The following RAP1GAP variants were observed in gnomAD, a reference collection of about 807,000 sequenced individuals.
The protein encoded by RAP1GAP is RAP1 GTPase activating protein.
A neutral mutation model predicts 87.2 loss-of-function variants in RAP1GAP; 35 were observed. That is an observed-to-expected ratio of 0.40 (90% CI 0.31 to 0.53). The LOEUF is 0.53. Among genes scored for constraint, RAP1GAP ranks in the 20% least tolerant of loss-of-function variants. The probability of loss-of-function intolerance (pLI) is 0.48; values close to 1 mark genes in which losing one functional copy is unlikely to be tolerated. For synonymous variants in RAP1GAP, 375 were observed against 363.9 expected (o/e 1.03, Z -0.35); for missense variants, 734 against 898.9 (o/e 0.82, Z 2.35).
Position 21,653,580 on chromosome 1 carries a change from C to CTTCCTTCCTTCT in RAP1GAP, c.-148-3785_-148-3784insAGAAGGAAGGAA, listed in dbSNP as rs1553496402. Among the ~76,000 whole-genome samples, 565 of 122,054 alleles carry CTTCCTTCCTTCT rather than the reference C, an allele frequency of 4.6e-3. 8 individuals are homozygous for CTTCCTTCCTTCT. The highest frequency in any genetic ancestry group is 8.5e-3 in the Middle Eastern group (2 of 236). 80.1% of individuals were successfully genotyped at this position (122,054 alleles called of 152,430 possible). A position where few individuals can be genotyped will look rare whatever the true frequency, so the allele number is the denominator to read the frequency against. On this transcript the variant is annotated intron_variant, in intron 1 of 24. Transcript: ENST00000374765. Reference sequence around the variant, plus strand: ...CCTTCCTTCCTTCCTTCCTTCCTTCCTTCCTTCCTTCCTCCCTCCCTCCCT... The same window carrying CTTCCTTCCTTCT: ...CCTTCCTTCCTTCCTTCCTTCCTTCCTTCCTTCCTTCTTTCCTTCCTTCCTCCCTCCCTCCCT...
intron 4 of RAP1GAP, among the ~76,000 whole-genome samples, 195 bp downstream of exon 4, chr1:21,619,820 C>T (rs1437882542): frequency 6.6e-6 from 1 of 152,076 alleles, no homozygotes. Flanking sequence ...AGATGGACTC[C>T]GGCATCAGAG....
In RAP1GAP at chr1:21,620,044, C is replaced by A. The variant is rs373710461; in HGVS notation, c.-12G>T. 5 of 1,613,822 alleles carry A rather than the reference C, an allele frequency of 3.1e-6. No homozygotes were observed. The African/African-American group carries it at 6.7e-5, about 22-fold the overall frequency. ...ATCTTCTCAATCATCTCAAATAGAT[C>A]TGTGTTCTGCAACAGAGACAGGGGA... On this transcript the variant is annotated 5_prime_UTR_variant, in exon 4 of 25. Coordinates refer to ENST00000374765, the MANE Select transcript of RAP1GAP (RefSeq NM_002885.4).
At chr1:21,612,212 C>CGTCAT in intron 10 of RAP1GAP, 103 bp from the exon 11 acceptor site, 2 of 862,144 alleles carry the variant, frequency 2.3e-6, no homozygotes, top group Non-Finnish European at 3.8e-6. Flanking sequence ...ACACACGTCA[C>CGTCAT]GTCATGTGAT....
chr1:21,604,846 T>TGGAG (rs2072823711), intron 18 of RAP1GAP, among the ~76,000 whole-genome samples: 1 of 63,006 alleles, frequency 1.6e-5, no homozygotes, highest in South Asian at 4.3e-4. Context: ...TGGATAGAGA[T>TGGAG]GGATGGATGG....
Position 21,603,973 on chromosome 1 carries a change from G to A in RAP1GAP, c.1429-1060C>T, listed in dbSNP as rs1475517696. On this transcript the variant is annotated intron_variant, in intron 18 of 24. Coordinates refer to ENST00000374765, the MANE Select transcript of RAP1GAP (RefSeq NM_002885.4). This position sits in a 1 kb window ranked among gnomAD's most constrained non-coding sequence, Gnocchi z 6.0. ...AGACAGAGAGAGAGTCAGAGAGCAA[G>A]AGAGATGGTGGGAGGGAGACACAGA... 3 of 1,294,702 alleles carry A rather than the reference G, an allele frequency of 2.3e-6. No homozygotes were observed. In the African/African-American group the frequency reaches 4.5e-5, roughly 19 times the overall value. The allele number at this position is 1,294,702 out of a possible 1,614,324, so 80.2% of individuals were successfully genotyped here.
intron 1 of RAP1GAP, among the ~76,000 whole-genome samples, chr1:21,662,904 G>T (rs181179884): frequency 1.1e-3 from 169 of 152,266 alleles, no homozygotes; most frequent in Middle Eastern, 3.4e-3. Flanking sequence ...TGCTTACATA[G>T]GGCCCAGCAC....
Position 21,609,558 on chromosome 1 carries a change from G to A in RAP1GAP, c.1071+17C>T, listed in dbSNP as rs759649823. The A allele has an allele frequency of 6.3e-6, 9 of 1,432,124 alleles. No homozygotes were observed. The highest frequency in any genetic ancestry group is 2.5e-5 in the East Asian group (1 of 40,382). The allele number at this position is 1,432,124 out of a possible 1,614,324, so 88.7% of individuals were successfully genotyped here. A position where few individuals can be genotyped will look rare whatever the true frequency, so the allele number is the denominator to read the frequency against. On this transcript the variant is annotated intron_variant, in intron 15 of 24. Transcript: ENST00000374765. This position sits in a 1 kb window ranked among gnomAD's most constrained non-coding sequence, Gnocchi z 4.4. Reference sequence around the variant, plus strand: ...CATTTGTCCTGCTCTGCCCATGACTGGGGGGGTGCCCCTCACCTTCCTGAA... The same window carrying A: ...CATTTGTCCTGCTCTGCCCATGACTAGGGGGGTGCCCCTCACCTTCCTGAA...
intron 2 of RAP1GAP, among the ~76,000 whole-genome samples, chr1:21,639,583 T>TTAAATGAGAGAATGCACGTGA (rs1553477145): frequency 6.6e-6 from 1 of 152,156 alleles, no homozygotes; most frequent in Non-Finnish European, 1.5e-5. Context: ...GCTGAGAGCA[T>TTAAATGAGAGAATGCACGTGA]TAAATGAGAG....
intron 15 of RAP1GAP, 45 bp from the exon 16 acceptor site, chr1:21,608,981 T>C (rs780545382): frequency 3.9e-6 from 6 of 1,523,732 alleles, no homozygotes; most frequent in Non-Finnish European, 9.1e-7. Context: ...GAAGTTGAGA[T>C]GACACATAAA....
chr1:21,611,592 G>A lies in RAP1GAP; in HGVS notation c.714-11C>T. The A allele has an allele frequency of 6.2e-7, 1 of 1,613,966 alleles. No individual in the cohort carries two copies. The highest frequency in any genetic ancestry group is 8.5e-7 in the Non-Finnish European group (1 of 1,179,964). Reference sequence around the variant, plus strand: ...AGGCCTCCTCGGAACCTGCCCCGGGGCCCCCCAGGCCACGCCTCAGTCTCC... The same window carrying A: ...AGGCCTCCTCGGAACCTGCCCCGGGACCCCCCAGGCCACGCCTCAGTCTCC... On this transcript the variant is annotated splice_polypyrimidine_tract_variant and intron_variant, in intron 12 of 24. Transcript: ENST00000374765.
In RAP1GAP at chr1:21,613,365, C is replaced by CCCTGAGCA; in HGVS notation, c.475-137_475-136insTGCTCAGG. 1 of 855,416 alleles carries CCCTGAGCA rather than the reference C, an allele frequency of 1.2e-6. No homozygotes were observed. The highest frequency in any genetic ancestry group is 1.9e-6 in the Non-Finnish European group (1 of 515,816). The allele number at this position is 855,416 out of a possible 1,614,324, so 53.0% of individuals were successfully genotyped here. ...CAAGGCTAAAGCAGGACTCGGGGTTCACTGTTGCTCAGGGAACGGAGGTCC... is the reference window on the plus strand; with the variant it reads ...CAAGGCTAAAGCAGGACTCGGGGTTCCCTGAGCAACTGTTGCTCAGGGAACGGAGGTCC... On this transcript the variant is annotated intron_variant, in intron 9 of 24. Coordinates refer to ENST00000374765, the MANE Select transcript of RAP1GAP (RefSeq NM_002885.4). This position sits in a 1 kb window ranked among gnomAD's most constrained non-coding sequence, Gnocchi z 4.7.
rs375317990 is a variant in RAP1GAP, at chr1:21,598,022, T to A, written c.1922A>T (p.Asp641Val). The A allele has an allele frequency of 2.2e-5, 34 of 1,562,128 alleles. No individual in the cohort carries two copies. Among genetic ancestry groups the A allele is most frequent in the Non-Finnish European group, 2.7e-5 (31 of 1,155,168 alleles). The change falls in exon 23 of 25, where the codon GAC (aspartate) becomes GTC (valine). Residue 641 changes from aspartate to valine, a missense_variant. Asp to Val is a radical substitution (Grantham distance 152, BLOSUM62 -3). Coordinates refer to ENST00000374765, the MANE Select transcript of RAP1GAP (RefSeq NM_002885.4). ...GATCTTGATCTCGGGACACGCAGGGTCCCCCAACTTGCCGGCGTCTGGGTG... is the reference window on the plus strand; with the variant it reads ...GATCTTGATCTCGGGACACGCAGGGACCCCCAACTTGCCGGCGTCTGGGTG... ...SPHPDAGKLG[D>V]PACPEIKIQL...
rs758210407 is a variant in RAP1GAP at position 21,651,456 on chromosome 1, G to A, written c.-148-1660C>T. On this transcript the variant is annotated intron_variant, in intron 1 of 24. Transcript: ENST00000374765. The stretch of plus-strand genomic sequence containing the variant: ...CACGCGCGCACACACAGGCGGAGTA[G>A]CCCCGCAGCCCCAGTCACATGCATA... The A allele has an allele frequency of 5.0e-6, 3 of 598,188 alleles. No homozygotes were observed. In the Admixed American group the frequency reaches 5.7e-5, roughly 11 times the overall value. 37.1% of individuals were successfully genotyped at this position (598,188 alleles called of 1,614,324 possible).
intron 3 of RAP1GAP, among the ~76,000 whole-genome samples, chr1:21,621,785 C>G (rs2087863921): frequency 6.6e-6 from 1 of 152,054 alleles, no homozygotes; most frequent in Non-Finnish European, 1.5e-5. Flanking sequence ...ATTAAGACAC[C>G]CCACTCAGGG....
intron 1 of RAP1GAP, among the ~76,000 whole-genome samples, chr1:21,659,440 T>C (rs1299359307): frequency 5.3e-5 from 8 of 152,214 alleles, no homozygotes; most frequent in Non-Finnish European, 8.8e-5. Context: ...CTCCCTTACA[T>C]GGAGGCGGCC....
rs116403879 is a variant in RAP1GAP at position 21,664,903 on chromosome 1, C to T, written c.-149+4351G>A. Among the ~76,000 whole-genome samples the T allele has an allele frequency of 1.4e-3, 214 of 152,258 alleles. 2 individuals are homozygous for T. The highest frequency in any genetic ancestry group is 0.014 in the Middle Eastern group (4 of 294). On this transcript the variant is annotated intron_variant, in intron 1 of 24. Transcript: ENST00000374765. ...AGTTCCCAGCCAGTATGTCTGGCCT[C>T]GCAAACAACATCCCCAGGGAGGCAG...
At chr1:21,626,185 G>A in intron 3 of RAP1GAP, 119 bp downstream of exon 3, 2 of 889,610 alleles carry the variant, frequency 2.2e-6, no homozygotes, top group Admixed American at 2.0e-5. Context: ...AACCCCATCA[G>A]CATCTGCCTG....
chr1:21,597,899 C>T lies in RAP1GAP; in HGVS notation c.1983+62G>A, dbSNP rs915178744. On this transcript the variant is annotated intron_variant, in intron 23 of 24. Coordinates refer to ENST00000374765, the MANE Select transcript of RAP1GAP (RefSeq NM_002885.4). ...GTCGAGCCTCAGCTCCCAGCCTCCC[C>T]GCCAGCTCATCCCCTCCCGGGTGGG... 86 of 1,515,480 alleles carry T rather than the reference C, an allele frequency of 5.7e-5. 1 individual carries two copies. Among genetic ancestry groups the T allele is most frequent in the Middle Eastern group, 2.3e-4 (1 of 4,364 alleles). The allele number at this position is 1,515,480 out of a possible 1,614,324, so 93.9% of individuals were successfully genotyped here.
chr1:21,662,471 G>T (rs1354112231), intron 1 of RAP1GAP, among the ~76,000 whole-genome samples: 1 of 152,142 alleles, frequency 6.6e-6, no homozygotes, highest in East Asian at 1.9e-4. Context: ...AGGGTCTGTG[G>T]GACTGTGTGT....
Sources: allele counts gnomAD v4.1 joint callset (sites outside exome capture counted in the v4.1 genomes callset), GRCh38; gene constraint gnomAD v4.1.1; non-coding constraint Gnocchi (gnomAD v3.1); transcripts MANE v1.5; gene names NCBI Gene and HGNC (gene_info 2026-07-23, HGNC 2026-07-21).